The following GRB10 variants were observed in gnomAD, a reference collection of about 807,000 sequenced individuals.
The protein encoded by GRB10 is growth factor receptor bound protein 10.
GRB10 carries 20 observed loss-of-function variants against 80.9 expected under a neutral mutation model. The observed-to-expected ratio is 0.25, with a 90% CI of 0.17 to 0.36. The LOEUF (loss-of-function observed/expected upper bound fraction) is 0.36, where lower values mean the gene tolerates loss of function less well. GRB10 is among the 10% of genes least tolerant of loss of function. GRB10 has a pLI of 1.00. For missense variants in GRB10, 548 were observed against 747.7 expected (o/e 0.73, Z 3.12); for synonymous variants, 291 against 291.5 (o/e 1.00, Z 0.02).
chr7:50,732,114 T>C lies in GRB10; in HGVS notation c.51+158A>G, dbSNP rs1219936892. ...CAGAAGACCGAGGCAGAAAGGGCAG[T>C]GGGCCTCTGCACCATGGGACTTGTC... is the stretch of plus-strand genomic sequence containing the variant. On this transcript the variant is annotated intron_variant, in intron 4 of 18. Transcript: ENST00000401949. 1.3e-5 allele frequency among the ~76,000 whole-genome samples: 2 copies of C among 152,202 alleles called. 1 individual carries two copies. Among genetic ancestry groups the C allele is most frequent in the Non-Finnish European group, 2.9e-5 (2 of 68,024 alleles).
chr7:50,751,893 A>T (rs902789399), intron 3 of GRB10, among the ~76,000 whole-genome samples: 5 of 152,210 alleles, frequency 3.3e-5, no homozygotes, highest in African/African-American at 9.6e-5. Flanking sequence ...CCTAGGGGAA[A>T]TACAGAGTTA....
chr7:50,751,928 T>G (rs1003782530), intron 3 of GRB10, among the ~76,000 whole-genome samples: 4 of 152,240 alleles, frequency 2.6e-5, no homozygotes, highest in African/African-American at 7.2e-5. Flanking sequence ...AGTCACATTT[T>G]CATCAACCAA....
At chr7:50,595,583 TCACACACACACACTCTCTTACACA>T in intron 17 of GRB10, 53 bp from the exon 18 acceptor site, 1 of 646,450 alleles carries the variant, frequency 1.5e-6, no homozygotes, top group Non-Finnish European at 2.6e-6. Context: ...CTGGAACTAA[TCACACACACACACTCTCTTACACA>T]CACACACACA....
chr7:50,646,699 G>C (rs987092846), intron 7 of GRB10, among the ~76,000 whole-genome samples: 6 of 152,144 alleles, frequency 3.9e-5, no homozygotes, highest in African/African-American at 1.2e-4. Flanking sequence ...AGATGAGTGG[G>C]GGTAGAGTGG....
rs556247772 is a variant in GRB10 at position 50,720,429 on chromosome 7, A to ACC, written c.51+11841_51+11842dup. The stretch of plus-strand genomic sequence containing the variant: ...CTGGATCGCAAACCCTACCTAAGTG[A>ACC]CCCCCTTTGTCGAGACTCATAACCG... On this transcript the variant is annotated intron_variant, in intron 4 of 18. Transcript: ENST00000401949. Among the ~76,000 whole-genome samples the ACC allele has an allele frequency of 3.3e-4, 50 of 151,894 alleles. 1 individual carries two copies. The highest frequency in any genetic ancestry group is 1.1e-3 in the African/African-American group (47 of 41,366).
At position 50,604,068 on chromosome 7, in the gene GRB10, G is replaced by A. The variant is rs747290685; in HGVS notation, c.1474C>T (p.His492Tyr). 1.9e-6 allele frequency: 3 copies of A among 1,613,858 alleles called. No individual in the cohort carries two copies. The highest frequency in any genetic ancestry group is 2.2e-5 in the East Asian group (1 of 44,880). ...TLSTVIHRTQ[H>Y]WFHGRISREE... ...CTGGAGATCCTCCCGTGAAACCAGT[G>A]CTGTGTCCTGTGAATCACTGTGGGG... The change falls in exon 17 of 19, where the codon CAC becomes TAC. Residue 492 changes from histidine (H) to tyrosine (Y), a missense_variant. By Grantham distance (83) the His-to-Tyr change is moderately conservative. Around this residue, in one of 4 missense-constraint regions of GRB10, gnomAD observed 270 missense variants for 433.6 expected, o/e 0.62. Coordinates refer to ENST00000401949, the MANE Select transcript of GRB10 (RefSeq NM_001350814.2).
chr7:50,610,081 T>C (rs183527091), intron 13 of GRB10, among the ~76,000 whole-genome samples: 27 of 152,296 alleles, frequency 1.8e-4, no homozygotes, highest in African/African-American at 6.5e-4. Context: ...ACTTCAGCCC[T>C]CAGACCCTCT....
At chr7:50,760,230 G>C (rs1447746695) in intron 2 of GRB10, among the ~76,000 whole-genome samples, 5 of 152,188 alleles carry the variant, frequency 3.3e-5, no homozygotes, top group Non-Finnish European at 7.3e-5. Context: ...CACATGCACA[G>C]AACAGCGACT....
chr7:50,741,551 TA>T (rs752078809), intron 3 of GRB10, among the ~76,000 whole-genome samples: 92 of 116,888 alleles, frequency 7.9e-4, no homozygotes, highest in South Asian at 5.1e-3. Context: ...AACATGTGTT[TA>T]AAAAAAAAAA....
At chr7:50,792,560 C>A (rs902483927) in intron 1 of GRB10, 1 of 398,532 alleles carries the variant, frequency 2.5e-6, no homozygotes, top group Non-Finnish European at 4.4e-6. Context: ...CCGCTCTTAT[C>A]ACATTTCCAC....
At chr7:50,716,048 AAG>A (rs893542051) in intron 4 of GRB10, among the ~76,000 whole-genome samples, 1 of 152,198 alleles carries the variant, frequency 6.6e-6, no homozygotes, top group Non-Finnish European at 1.5e-5. Context: ...GAGAGCGCTC[AAG>A]AGAGGGGGCT....
At position 50,711,553 on chromosome 7, in the gene GRB10, A is replaced by T. The variant is rs185686570; in HGVS notation, c.52-7645T>A. Among the ~76,000 whole-genome samples, 19 of 152,312 alleles carry T rather than the reference A, an allele frequency of 1.2e-4. 1 individual carries two copies. The East Asian group carries it at 3.5e-3, about 28-fold the overall frequency. On this transcript the variant is annotated intron_variant, in intron 4 of 18. Coordinates refer to ENST00000401949, the MANE Select transcript of GRB10 (RefSeq NM_001350814.2). ...AAGAAGTAAAATGTTTCAAACCGCA[A>T]GTCTATTAAGCTATTGCAGCCGAGT...
At chr7:50,660,314 G>A (rs1475051323) in intron 7 of GRB10, among the ~76,000 whole-genome samples, 5 of 152,136 alleles carry the variant, frequency 3.3e-5, no homozygotes, top group Admixed American at 2.0e-4. Flanking sequence ...GGGTGCAGCC[G>A]TGGTGCTGCA....
intron 4 of GRB10, among the ~76,000 whole-genome samples, chr7:50,722,693 T>C (rs1406645119): frequency 2.0e-5 from 3 of 151,936 alleles, no homozygotes; most frequent in Non-Finnish European, 4.4e-5. Flanking sequence ...GGTGACAAGG[T>C]GACAGAGTGA....
At chr7:50,664,962 T>C (rs60767324) in intron 7 of GRB10, among the ~76,000 whole-genome samples, 16,182 of 152,292 alleles carry the variant, frequency 0.11, 1,052 homozygotes, top group African/African-American at 0.14. Flanking sequence ...GAAATTCTTA[T>C]GTATTTGTAT....
chr7:50,604,242 G>C lies in GRB10; in HGVS notation c.1456+69C>G, dbSNP rs564000133. ...CCACAGGCAAATTCGTAAGGCTGAG[G>C]GGGAGTGGAGGGGGGTGCTGTTTGA... On this transcript the variant is annotated intron_variant, in intron 16 of 18. Coordinates refer to ENST00000401949, the MANE Select transcript of GRB10 (RefSeq NM_001350814.2). 5.7e-5 allele frequency: 79 copies of C among 1,378,102 alleles called. No homozygotes were observed. The East Asian group carries it at 1.7e-3, about 30-fold the overall frequency. 85.4% of individuals were successfully genotyped at this position (1,378,102 alleles called of 1,614,324 possible).
rs557018791 is a variant in GRB10 at position 50,660,766 on chromosome 7, C to T, written c.504+8956G>A. On this transcript the variant is annotated intron_variant, in intron 7 of 18. Coordinates refer to ENST00000401949, the MANE Select transcript of GRB10 (RefSeq NM_001350814.2). ...GAAAATGGCGGGATGAGTTGAAGTG[C>T]ACCTCATGCTGACTCTTGCGTGCGT... 3.3e-5 allele frequency among the ~76,000 whole-genome samples: 5 copies of T among 152,150 alleles called. No homozygotes were observed. In the South Asian group the frequency reaches 1.0e-3, roughly 32 times the overall value.
At chr7:50,627,683 G>A (rs145950122) in intron 7 of GRB10, among the ~76,000 whole-genome samples, 2 of 152,338 alleles carry the variant, frequency 1.3e-5, no homozygotes, top group East Asian at 1.9e-4. Context: ...TCCAGAGGAC[G>A]GGAGTCTATC....
intron 5 of GRB10, among the ~76,000 whole-genome samples, chr7:50,676,317 C>T (rs899390806): frequency 7.4e-5 from 9 of 122,394 alleles, no homozygotes; most frequent in Non-Finnish European, 1.1e-4. Context: ...ATGAGCTTAG[C>T]AATAGTGTCC....
Sources: gnomAD v4.1 joint callset for allele counts (sites outside exome capture counted in the v4.1 genomes callset) on GRCh38, gnomAD v4.1.1 for gene constraint, gnomAD v4.1.1 regional missense constraint, MANE v1.5 for transcripts, NCBI Gene and HGNC (gene_info 2026-07-23, HGNC 2026-07-21) for gene names.